The following ADAMTS20 variants were observed in gnomAD, a reference collection of about 807,000 sequenced individuals.
ADAMTS20 encodes A disintegrin and metalloproteinase with thrombospondin motifs 20.
A neutral mutation model predicts 260.1 loss-of-function variants in ADAMTS20; 225 were observed. The observed-to-expected ratio is 0.87, with a 90% CI of 0.78 to 0.97. The LOEUF is 0.97. Among genes scored for constraint, ADAMTS20 ranks in the 50% least tolerant of loss-of-function variants. ADAMTS20 has a pLI of 0.00. For synonymous variants in ADAMTS20, 802 were observed against 769.5 expected, an observed-to-expected ratio of 1.04 and a Z score of -0.70; for missense variants, 2,400 against 2,337.7, an observed-to-expected ratio of 1.03 and a Z score of -0.55.
chr12:43,419,297 A>T (rs1379539920), intron 28 of ADAMTS20, among the ~76,000 whole-genome samples: 2 of 152,112 alleles, frequency 1.3e-5, no homozygotes, highest in East Asian at 3.9e-4. Flanking sequence ...AAAATTAAAA[A>T]TCAAATGACT....
At chr12:43,363,619 G>A (rs1251178639) in intron 37 of ADAMTS20, among the ~76,000 whole-genome samples, 1 of 152,188 alleles carries the variant, frequency 6.6e-6, no homozygotes. Context: ...TGTAAAAATA[G>A]GAAATTCACT....
At chr12:43,475,017 G>C (rs1248785183) in intron 7 of ADAMTS20, among the ~76,000 whole-genome samples, 1 of 133,770 alleles carries the variant, frequency 7.5e-6, no homozygotes, top group Non-Finnish European at 1.6e-5. Context: ...AGGAAATAAA[G>C]GGTATTCAAT....
At chr12:43,396,413 C>T (rs371756957) in intron 29 of ADAMTS20, among the ~76,000 whole-genome samples, 8 of 152,086 alleles carry the variant, frequency 5.3e-5, no homozygotes, top group African/African-American at 1.9e-4. Flanking sequence ...CAGTGATTAT[C>T]TTGTAACTAC....
intron 18 of ADAMTS20, among the ~76,000 whole-genome samples, chr12:43,435,548 A>G (rs1243007040): frequency 6.6e-6 from 1 of 150,800 alleles, no homozygotes; most frequent in Non-Finnish European, 1.5e-5. Flanking sequence ...CTGAGACAGG[A>G]GAATGGTGGG....
chr12:43,536,461 G>T (rs1411483384), intron 2 of ADAMTS20, among the ~76,000 whole-genome samples: 3 of 151,864 alleles, frequency 2.0e-5, no homozygotes, highest in African/African-American at 7.3e-5. Flanking sequence ...TATGGAAAAA[G>T]GCAACCAATA....
chr12:43,504,239 TTAGCAA>T (rs1242650674), intron 3 of ADAMTS20, among the ~76,000 whole-genome samples: 1 of 152,172 alleles, frequency 6.6e-6, no homozygotes, highest in Admixed American at 6.5e-5. Flanking sequence ...TTTTTATTTT[TTAGCAA>T]TAGCCATTCT....
intron 28 of ADAMTS20, among the ~76,000 whole-genome samples, chr12:43,414,592 A>G (rs192976671): frequency 1.3e-5 from 2 of 152,230 alleles, no homozygotes; most frequent in African/African-American, 4.8e-5. Flanking sequence ...GGGAATAAAC[A>G]ATTTAGCCAT....
intron 11 of ADAMTS20, among the ~76,000 whole-genome samples, chr12:43,456,718 G>C (rs1387619067): frequency 6.6e-6 from 1 of 152,166 alleles, no homozygotes; most frequent in Admixed American, 6.5e-5. Context: ...CCCTACTGCT[G>C]TGTCATTCCC....
intron 12 of ADAMTS20, 34 bp from the exon 13 acceptor site, chr12:43,452,729 G>C: frequency 2.6e-6 from 4 of 1,522,046 alleles, no homozygotes; most frequent in Non-Finnish European, 2.7e-6. Context: ...AAGCACATCA[G>C]TACAACATTA....
At chr12:43,387,888 C>T (rs1020295610) in intron 29 of ADAMTS20, among the ~76,000 whole-genome samples, 16 of 152,140 alleles carry the variant, frequency 1.1e-4, no homozygotes, top group African/African-American at 3.6e-4. Flanking sequence ...CCCCACCAAG[C>T]TCCAGCATCC....
intron 5 of ADAMTS20, 125 bp downstream of exon 5, chr12:43,493,045 T>C (rs1942627331): frequency 1.4e-6 from 1 of 705,906 alleles, no homozygotes; most frequent in Non-Finnish European, 2.4e-6. Context: ...ATCTCATTCC[T>C]TCTCAAATCA....
intron 11 of ADAMTS20, among the ~76,000 whole-genome samples, chr12:43,458,035 G>C (rs923883839): frequency 6.6e-6 from 1 of 152,230 alleles, no homozygotes; most frequent in African/African-American, 2.4e-5. Context: ...GCCTCAGGAA[G>C]TCCTGATGAC....
intron 29 of ADAMTS20, among the ~76,000 whole-genome samples, chr12:43,389,254 AT>A (rs1940547399): frequency 6.6e-6 from 1 of 152,192 alleles, no homozygotes; most frequent in Non-Finnish European, 1.5e-5. Flanking sequence ...CCTGAGGCAA[AT>A]ATCTCTTCAG....
Position 43,406,125 on chromosome 12 carries a change from C to T in ADAMTS20, c.4285-6892G>A, listed in dbSNP as rs186098631. 1.2e-3 allele frequency among the ~76,000 whole-genome samples: 180 copies of T among 152,224 alleles called. 1 individual carries two copies. Among genetic ancestry groups the T allele is most frequent in the Middle Eastern group, 3.4e-3 (1 of 294 alleles). ...GTGCAACTTCATAAGATGTATCATG[C>T]AATACATAAAATAGAGTGGTTTTTC... is the stretch of plus-strand genomic sequence containing the variant. On this transcript the variant is annotated intron_variant, in intron 28 of 38. Transcript: ENST00000389420.
At chr12:43,374,166 T>C (rs1940171019) in intron 36 of ADAMTS20, among the ~76,000 whole-genome samples, 1 of 152,174 alleles carries the variant, frequency 6.6e-6, no homozygotes, top group Admixed American at 6.5e-5. Flanking sequence ...GAGTTTATTA[T>C]TGTAACCATA....
chr12:43,434,272 T>A lies in ADAMTS20; in HGVS notation c.2693A>T (p.Gln898Leu). The A allele has an allele frequency of 6.3e-7, 1 of 1,587,536 alleles. No homozygotes were observed. Among genetic ancestry groups the A allele is most frequent in the Non-Finnish European group, 8.6e-7 (1 of 1,165,078 alleles). ...DHLPLPSFVT[Q>L]SCNTDCELRW... The stretch of plus-strand genomic sequence containing the variant: ...TAGTTCACAGTCTGTATTGCAACTT[T>A]GAGTAACAAATGATGGAAGTGGCAA... Residue 898 changes from glutamine to leucine, a missense_variant, in exon 19 of 39, where the codon CAA (glutamine) becomes CTA (leucine). By Grantham distance (113) the Gln-to-Leu change is moderately radical (BLOSUM62 -2). Transcript: ENST00000389420.
chr12:43,492,619 A>G lies in ADAMTS20; in HGVS notation c.962T>C (p.Val321Ala), dbSNP rs1224652636. 1.2e-6 allele frequency: 2 copies of G among 1,613,780 alleles called. No homozygotes were observed. Among genetic ancestry groups the G allele is most frequent in the South Asian group, 2.2e-5 (2 of 91,066 alleles). ...VMIHREEEGP[V>A]INFDGATTLK... ...TGTGGTAGCACCATCAAAATTAATG[A>G]CTGGTCCTTCCTATGCAAAATAAGC... is the stretch of plus-strand genomic sequence containing the variant. The change falls in exon 6 of 39, where the codon GTC (valine) becomes GCC (alanine). Residue 321 changes from valine to alanine, a missense_variant. Transcript: ENST00000389420.
At chr12:43,450,462 T>C (rs1330638643) in intron 14 of ADAMTS20, among the ~76,000 whole-genome samples, 1 of 152,188 alleles carries the variant, frequency 6.6e-6, no homozygotes, top group Non-Finnish European at 1.5e-5. Flanking sequence ...TCATCATAAC[T>C]TTTGCATTGT....
chr12:43,458,158 T>C (rs1390296665), intron 11 of ADAMTS20, among the ~76,000 whole-genome samples: 1 of 152,150 alleles, frequency 6.6e-6, no homozygotes, highest in Admixed American at 6.5e-5. Flanking sequence ...TGGAGACAGC[T>C]CAAAGCAAGC....
Sources: gnomAD v4.1 joint callset for allele counts (sites outside exome capture counted in the v4.1 genomes callset) on GRCh38, gnomAD v4.1.1 for gene constraint, MANE v1.5 for transcripts, NCBI Gene and HGNC (gene_info 2026-07-23, HGNC 2026-07-21) for gene names.